Variants in CSNK1G1 observed in about 807,000 individuals in gnomAD.
CSNK1G1 encodes casein kinase 1 gamma 1.
In CSNK1G1, 22 loss-of-function variants were observed where a neutral mutation model predicts 59.6. The ratio of observed to expected loss-of-function variants is 0.37; its 90% confidence interval spans 0.26 to 0.53. The LOEUF is 0.53. Among genes scored for constraint, CSNK1G1 ranks in the 20% least tolerant of loss-of-function variants. The pLI is 0.89. For synonymous variants in CSNK1G1, 179 were observed against 177.1 expected, an observed-to-expected ratio of 1.01 and a Z score of -0.08; for missense variants, 384 against 519.5, an observed-to-expected ratio of 0.74 and a Z score of 2.54.
intron 2 of CSNK1G1, among the ~76,000 whole-genome samples, chr15:64,260,633 G>A (rs1262125309): frequency 6.6e-6 from 1 of 152,066 alleles, no homozygotes; most frequent in Non-Finnish European, 1.5e-5. Flanking sequence ...AGCTACTTGG[G>A]AGGCTGAGGT....
intron 6 of CSNK1G1, among the ~76,000 whole-genome samples, chr15:64,209,777 C>T (rs965026641): frequency 1.1e-4 from 16 of 152,122 alleles, no homozygotes; most frequent in African/African-American, 3.4e-4. Flanking sequence ...GATAGAGAAA[C>T]GACTCTGCAG....
At chr15:64,354,574 A>G (rs1295475813) in intron 1 of CSNK1G1, among the ~76,000 whole-genome samples, 1 of 152,132 alleles carries the variant, frequency 6.6e-6, no homozygotes, top group Admixed American at 6.6e-5. Flanking sequence ...CCTACGATCA[A>G]TTTCGAGAAG....
intron 1 of CSNK1G1, among the ~76,000 whole-genome samples, chr15:64,353,661 A>AG (rs1172002003): frequency 2.6e-5 from 4 of 151,308 alleles, no homozygotes; most frequent in Admixed American, 2.0e-4. Flanking sequence ...AAAAAAAAAA[A>AG]AAAGAAAGAA....
chr15:64,272,079 T>G (rs1675308119), intron 2 of CSNK1G1, among the ~76,000 whole-genome samples: 1 of 152,198 alleles, frequency 6.6e-6, no homozygotes, highest in South Asian at 2.1e-4. Flanking sequence ...ATCCCTGCCT[T>G]TTTCTATTTT....
intron 1 of CSNK1G1, among the ~76,000 whole-genome samples, chr15:64,324,674 G>T (rs1427171429): frequency 2.6e-5 from 4 of 152,214 alleles, no homozygotes; most frequent in African/African-American, 9.6e-5. Flanking sequence ...TTCACCTTGT[G>T]ACTGTGTGAG....
chr15:64,289,331 A>T (rs1039299789), intron 2 of CSNK1G1, among the ~76,000 whole-genome samples: 1 of 152,192 alleles, frequency 6.6e-6, no homozygotes, highest in African/African-American at 2.4e-5. Flanking sequence ...TGCAATGCAG[A>T]CTGTGTGTCA....
chr15:64,193,408 G>C (rs2081997822), intron 10 of CSNK1G1, among the ~76,000 whole-genome samples: 1 of 150,166 alleles, frequency 6.7e-6, no homozygotes, highest in South Asian at 2.1e-4. Flanking sequence ...CAGGAGAATT[G>C]CTTGAACCTG....
At chr15:64,203,216 T>C in intron 9 of CSNK1G1, 27 bp from the exon 10 acceptor site, 4 of 1,491,708 alleles carry the variant, frequency 2.7e-6, no homozygotes, top group Non-Finnish European at 3.7e-6. Flanking sequence ...AAAAGTCAAA[T>C]GGGGGAAACA....
intron 2 of CSNK1G1, among the ~76,000 whole-genome samples, chr15:64,277,761 C>T (rs5024168): frequency 0.53 from 34,853 of 65,560 alleles, 10,038 homozygotes; most frequent in South Asian, 0.77. Flanking sequence ...AATAATATAG[C>T]AATATTGATA....
chr15:64,317,928 C>T (rs1896360332), intron 1 of CSNK1G1, among the ~76,000 whole-genome samples: 1 of 152,160 alleles, frequency 6.6e-6, no homozygotes, highest in African/African-American at 2.4e-5. Flanking sequence ...AATTGATTCA[C>T]TCATTTCACC....
At chr15:64,352,023 C>G (rs1898321017) in intron 1 of CSNK1G1, among the ~76,000 whole-genome samples, 1 of 152,046 alleles carries the variant, frequency 6.6e-6, no homozygotes, top group Non-Finnish European at 1.5e-5. Flanking sequence ...GAAAACACAG[C>G]AGGCCGGGCA....
At chr15:64,266,095 G>A (rs1038769456) in intron 2 of CSNK1G1, among the ~76,000 whole-genome samples, 12 of 151,046 alleles carry the variant, frequency 7.9e-5, no homozygotes, top group East Asian at 1.9e-4. Context: ...ACAGAGTCTC[G>A]CTCTGTTGCC....
At chr15:64,259,499 C>G (rs1214359189) in intron 2 of CSNK1G1, among the ~76,000 whole-genome samples, 6 of 150,574 alleles carry the variant, frequency 4.0e-5, no homozygotes, top group South Asian at 2.1e-4. Context: ...CACACACACA[C>G]ACACACACAC....
At chr15:64,172,501 G>A (rs901165148) in intron 11 of CSNK1G1, among the ~76,000 whole-genome samples, 34 of 152,160 alleles carry the variant, frequency 2.2e-4, no homozygotes, top group African/African-American at 8.0e-4. Flanking sequence ...ACCAATGAAG[G>A]ATTAAGGATT....
chr15:64,306,077 G>A (rs1181340510), intron 1 of CSNK1G1, among the ~76,000 whole-genome samples: 2 of 152,120 alleles, frequency 1.3e-5, no homozygotes, highest in African/African-American at 4.8e-5. Flanking sequence ...ATGACTTCGG[G>A]TTTGACAATG....
intron 11 of CSNK1G1, among the ~76,000 whole-genome samples, chr15:64,173,235 T>C (rs868375941): frequency 1.1e-4 from 17 of 152,262 alleles, no homozygotes; most frequent in African/African-American, 3.9e-4. Context: ...CCTCTCTTTT[T>C]AGTTAGACTC....
intron 4 of CSNK1G1, among the ~76,000 whole-genome samples, chr15:64,220,207 G>A (rs2140274648): frequency 6.6e-6 from 1 of 151,422 alleles, no homozygotes; most frequent in African/African-American, 2.4e-5. Flanking sequence ...CCATTGTCCT[G>A]CCTCAGCCTC....
rs1467020229 is a variant in CSNK1G1 at position 64,203,153 on chromosome 15, C to G, written c.1036G>C (p.Ala346Pro). The G allele has an allele frequency of 6.2e-7, 1 of 1,614,006 alleles. No individual in the cohort carries two copies. The highest frequency in any genetic ancestry group is 1.1e-5 in the South Asian group (1 of 91,078). ...TGGCTTTCTCGAGTTATTGCAGATGCACCAGAATCTACGTGAACTGACCCT... is the reference window on the plus strand; with the variant it reads ...TGGCTTTCTCGAGTTATTGCAGATGGACCAGAATCTACGTGAACTGACCCT... ...PVGSVHVDSG[A>P]SAITRESHTH... The change falls in exon 10 of 12, where the codon GCA becomes CCA. Residue 346 changes from alanine (A) to proline (P), a missense_variant. Around this residue, in one of 3 missense-constraint regions of CSNK1G1, gnomAD observed 325 missense variants for 440.9 expected, o/e 0.74. Coordinates refer to ENST00000303052, the MANE Select transcript of CSNK1G1 (RefSeq NM_022048.5).
At chr15:64,202,972 T>C in intron 10 of CSNK1G1, 110 bp downstream of exon 10, 1 of 806,140 alleles carries the variant, frequency 1.2e-6, no homozygotes, top group Non-Finnish European at 2.1e-6. Flanking sequence ...GGCAAGCATT[T>C]GATCTTTATT....
Sources: gnomAD v4.1 joint callset for allele counts (sites outside exome capture counted in the v4.1 genomes callset) on GRCh38, gnomAD v4.1.1 for gene constraint, gnomAD v4.1.1 regional missense constraint, MANE v1.5 for transcripts, NCBI Gene and HGNC (gene_info 2026-07-23, HGNC 2026-07-21) for gene names.